TRPM7: variants seen among roughly 807,000 people sequenced by gnomAD.
The protein encoded by TRPM7 is transient receptor potential cation channel subfamily M member 7.
A neutral mutation model predicts 229.7 loss-of-function variants in TRPM7; 134 were observed. That is an observed-to-expected ratio of 0.58 (90% CI 0.51 to 0.67). The LOEUF (loss-of-function observed/expected upper bound fraction) is 0.67. Ranked by LOEUF, TRPM7 falls within the 30% of genes least tolerant of loss-of-function variation. The pLI is 0.00. For missense variants in TRPM7, 1,901 were observed against 2,210.0 expected, an observed-to-expected ratio of 0.86 and a Z score of 2.80; for synonymous variants, 699 against 715.2, an observed-to-expected ratio of 0.98 and a Z score of 0.36.
intron 1 of TRPM7, among the ~76,000 whole-genome samples, chr15:50,675,844 TTGG>T (rs1463957342): frequency 1.3e-5 from 2 of 152,206 alleles, no homozygotes; most frequent in African/African-American, 4.8e-5. Context: ...TAAAGATCAG[TTGG>T]TGATCTTCAG....
At chr15:50,612,435 A>T (rs17702205) in intron 16 of TRPM7, 114 bp downstream of exon 16, 168,568 of 778,658 alleles carry the variant, frequency 0.22, 20,260 homozygotes, top group East Asian at 0.41. Context: ...AATTGTACCA[A>T]TAAGATTATA....
At chr15:50,677,196 C>G (rs1293789091) in intron 1 of TRPM7, among the ~76,000 whole-genome samples, 1 of 152,102 alleles carries the variant, frequency 6.6e-6, no homozygotes, top group Non-Finnish European at 1.5e-5. Flanking sequence ...TGTGTCTTCA[C>G]ACAGTGAAGA....
At chr15:50,573,150 T>C in intron 36 of TRPM7, among the ~76,000 whole-genome samples, 1 of 152,200 alleles carries the variant, frequency 6.6e-6, no homozygotes, top group East Asian at 1.9e-4. Flanking sequence ...TTTTTCCCTC[T>C]ATAGATGCAT....
At chr15:50,647,244 C>A (rs1420208838) in intron 4 of TRPM7, among the ~76,000 whole-genome samples, 1 of 152,160 alleles carries the variant, frequency 6.6e-6, no homozygotes, top group East Asian at 1.9e-4. Flanking sequence ...GATTATCCTG[C>A]TTCAGCCTCC....
chr15:50,591,797 T>C lies in TRPM7; in HGVS notation c.4324+114A>G, dbSNP rs140253778. On this transcript the variant is annotated intron_variant, in intron 26 of 38. Transcript: ENST00000646667. ...ACAGGTGTCTGATTCTTTTTAAAAA[T>C]TTTATAATTATACTCTATGAAAAGA... 8.6e-4 allele frequency: 699 copies of C among 811,880 alleles called. 6 individuals are homozygous for C. The African/African-American group carries it at 0.012, about 14-fold the overall frequency. 50.3% of individuals were successfully genotyped at this position (811,880 alleles called of 1,614,324 possible).
At chr15:50,617,881 AC>A (rs2060273070) in intron 13 of TRPM7, among the ~76,000 whole-genome samples, 1 of 151,822 alleles carries the variant, frequency 6.6e-6, no homozygotes, top group Admixed American at 6.6e-5. Context: ...CTGGTCTCAA[AC>A]CCCTTCTCTC....
At chr15:50,658,171 A>AT (rs2061631206) in intron 2 of TRPM7, among the ~76,000 whole-genome samples, 1 of 151,816 alleles carries the variant, frequency 6.6e-6, no homozygotes, top group Admixed American at 6.6e-5. Flanking sequence ...TGCCCGGCTA[A>AT]TTTTTTTGCA....
Position 50,561,326 on chromosome 15 carries a change from T to A in TRPM7, c.*352A>T, listed in dbSNP as rs79345642. 5.7e-6 allele frequency: 1 copy of A among 176,278 alleles called. No individual in the cohort carries two copies. The highest frequency in any genetic ancestry group is 1.2e-5 in the Non-Finnish European group (1 of 84,010). 10.9% of individuals were successfully genotyped at this position (176,278 alleles called of 1,614,324 possible). On this transcript the variant is annotated 3_prime_UTR_variant, in exon 39 of 39. Coordinates refer to ENST00000646667, the MANE Select transcript of TRPM7 (RefSeq NM_017672.6). ...CAATAAAACAGCTGCCAATAAAATC[T>A]GCATGGACACCTACCTTTGGTTAAT...
chr15:50,644,655 T>C (rs1359314213), intron 4 of TRPM7, among the ~76,000 whole-genome samples: 1 of 151,850 alleles, frequency 6.6e-6, no homozygotes, highest in African/African-American at 2.4e-5. Context: ...ACAAAAAAAT[T>C]AGCTAGGCGT....
intron 13 of TRPM7, among the ~76,000 whole-genome samples, chr15:50,615,872 G>A (rs559246352): frequency 5.3e-5 from 8 of 151,838 alleles, no homozygotes; most frequent in Non-Finnish European, 1.2e-4. Context: ...CTCTAGCATG[G>A]GCAACAAAGG....
At chr15:50,661,338 T>G (rs1452268617) in intron 2 of TRPM7, among the ~76,000 whole-genome samples, 1 of 152,144 alleles carries the variant, frequency 6.6e-6, no homozygotes, top group African/African-American at 2.4e-5. Context: ...GCATATAGAC[T>G]GAATGTAGCA....
intron 2 of TRPM7, among the ~76,000 whole-genome samples, chr15:50,660,081 T>C (rs906797148): frequency 3.3e-5 from 5 of 152,230 alleles, no homozygotes; most frequent in African/African-American, 1.2e-4. Context: ...CCCATCTTTA[T>C]GAATAGCCAT....
chr15:50,626,424 A>T (rs186051648), intron 11 of TRPM7, among the ~76,000 whole-genome samples: 28 of 152,070 alleles, frequency 1.8e-4, no homozygotes, highest in East Asian at 1.7e-3. Context: ...GGACCATTTT[A>T]AAAAAAAGTG....
intron 15 of TRPM7, among the ~76,000 whole-genome samples, 194 bp downstream of exon 15, chr15:50,613,501 CAAAAAAAAAAAA>C (rs67505794): frequency 9.6e-5 from 6 of 62,810 alleles, no homozygotes; most frequent in Admixed American, 2.2e-4. Context: ...ACTCCTGTCT[CAAAAAAAAAAAA>C]AAAAAAAAAA....
intron 3 of TRPM7, among the ~76,000 whole-genome samples, chr15:50,656,419 A>G (rs531486302): frequency 2.6e-4 from 39 of 152,140 alleles, no homozygotes; most frequent in African/African-American, 8.7e-4. Context: ...CCCGGCTCCA[A>G]TGATGTTCCT....
At chr15:50,614,049 T>C in intron 14 of TRPM7, 74 bp downstream of exon 14, 1 of 1,437,616 alleles carries the variant, frequency 7.0e-7, no homozygotes, top group South Asian at 1.4e-5. Flanking sequence ...CGTTCTAATG[T>C]TAATTCTTAA....
intron 38 of TRPM7, among the ~76,000 whole-genome samples, chr15:50,562,766 CT>C (rs2053377441): frequency 6.8e-6 from 1 of 146,206 alleles, no homozygotes; most frequent in Non-Finnish European, 1.5e-5. Flanking sequence ...GAGTGAGATC[CT>C]GTCTCAAAAA....
chr15:50,587,377 G>T, intron 27 of TRPM7, among the ~76,000 whole-genome samples: 1 of 145,318 alleles, frequency 6.9e-6, no homozygotes, highest in Non-Finnish European at 1.5e-5. Context: ...GGAAAGCCCT[G>T]AAGGCTTTAC....
chr15:50,588,345 T>A, intron 27 of TRPM7: 1 of 334,382 alleles, frequency 3.0e-6, no homozygotes, highest in Non-Finnish European at 4.3e-6. Flanking sequence ...TCAATTTGCA[T>A]ATAATAACCA....
Sources: gnomAD v4.1 joint callset for allele counts (sites outside exome capture counted in the v4.1 genomes callset) on GRCh38, gnomAD v4.1.1 for gene constraint, MANE v1.5 for transcripts, NCBI Gene and HGNC (gene_info 2026-07-23, HGNC 2026-07-21) for gene names.